HMGCLL1: variants seen among roughly 807,000 people sequenced by gnomAD.
HMGCLL1 encodes the protein 3-hydroxymethyl-3-methylglutaryl-CoA lyase, cytoplasmic.
A neutral mutation model predicts 39.1 loss-of-function variants in HMGCLL1; 36 were observed. The ratio of observed to expected loss-of-function variants is 0.92; its 90% CI spans 0.71 to 1.22. The LOEUF is 1.22. HMGCLL1 is among the 50% of genes most tolerant of loss of function. The pLI is 0.00. For synonymous variants in HMGCLL1, 149 were observed against 144.0 expected, an observed-to-expected ratio of 1.03 and a Z score of -0.25; for missense variants, 451 against 416.5, an observed-to-expected ratio of 1.08 and a Z score of -0.72.
chr6:55,587,214 A>C, the HMGCLL1 span, among the ~76,000 whole-genome samples: 1 of 152,078 alleles, frequency 6.6e-6, no homozygotes, highest in Non-Finnish European at 1.5e-5. Flanking sequence ...GTCTGTTCAT[A>C]TCCTTCTCCC....
chr6:55,529,244 T>C (rs768112688), intron 3 of HMGCLL1, among the ~76,000 whole-genome samples: 1 of 152,138 alleles, frequency 6.6e-6, no homozygotes, highest in Non-Finnish European at 1.5e-5. Flanking sequence ...CTGCCTCTCA[T>C]ATATCATGTC....
At chr6:55,543,506 CAT>C (rs1237067905) in intron 1 of HMGCLL1, among the ~76,000 whole-genome samples, 28 of 49,738 alleles carry the variant, frequency 5.6e-4, no homozygotes, top group Non-Finnish European at 1.0e-3. Context: ...TCATATATAT[CAT>C]ATATAATATA....
chr6:55,645,123 T>C, the HMGCLL1 span, among the ~76,000 whole-genome samples: 43 of 152,036 alleles, frequency 2.8e-4, 1 homozygote, highest in South Asian at 2.1e-4. Flanking sequence ...TACTTCTTTT[T>C]TTAAGTTAAT....
intron 7 of HMGCLL1, among the ~76,000 whole-genome samples, chr6:55,447,679 C>T (rs909846635): frequency 2.0e-5 from 3 of 151,948 alleles, no homozygotes; most frequent in Non-Finnish European, 4.4e-5. Flanking sequence ...TACTTTTTCA[C>T]AAGGATTGTA....
At chr6:55,615,174 TAAAAGTAAAAAGA>T in the HMGCLL1 span, among the ~76,000 whole-genome samples, 1 of 151,548 alleles carries the variant, frequency 6.6e-6, no homozygotes, top group Non-Finnish European at 1.5e-5. Context: ...GCATTGTTTA[TAAAAGTAAAAAGA>T]AAAAGAAAAA....
At chr6:55,632,478 G>A in the HMGCLL1 span, among the ~76,000 whole-genome samples, 1 of 150,660 alleles carries the variant, frequency 6.6e-6, no homozygotes, top group East Asian at 1.9e-4. Context: ...TTCATGATTG[G>A]CAGTTTATCA....
At chr6:55,600,979 T>C in the HMGCLL1 span, among the ~76,000 whole-genome samples, 1 of 152,174 alleles carries the variant, frequency 6.6e-6, no homozygotes, top group African/African-American at 2.4e-5. Flanking sequence ...GAAAGAGGTA[T>C]GTAATTTAAA....
At chr6:55,447,766 A>G (rs1420330750) in intron 7 of HMGCLL1, among the ~76,000 whole-genome samples, 2 of 152,168 alleles carry the variant, frequency 1.3e-5, no homozygotes, top group Non-Finnish European at 2.9e-5. Flanking sequence ...TTTACTCATG[A>G]GTAAACTGAG....
At chr6:55,608,594 A>G in the HMGCLL1 span, among the ~76,000 whole-genome samples, 1 of 152,238 alleles carries the variant, frequency 6.6e-6, no homozygotes, top group African/African-American at 2.4e-5. Flanking sequence ...ACTCATTATG[A>G]TAACTCCTCC....
At chr6:55,445,284 C>T (rs1015354771) in intron 7 of HMGCLL1, among the ~76,000 whole-genome samples, 17 of 151,694 alleles carry the variant, frequency 1.1e-4, no homozygotes, top group African/African-American at 1.9e-4. Context: ...TTTTTCTAAA[C>T]GAGCTGCTTT....
chr6:55,659,405 T>A, the HMGCLL1 span, among the ~76,000 whole-genome samples: 1 of 151,966 alleles, frequency 6.6e-6, no homozygotes, highest in East Asian at 1.9e-4. Flanking sequence ...CACTTCTCGC[T>A]CTTTGTCTCT....
intron 3 of HMGCLL1, among the ~76,000 whole-genome samples, chr6:55,531,628 T>C (rs1179396413): frequency 6.6e-6 from 1 of 152,170 alleles, no homozygotes; most frequent in Non-Finnish European, 1.5e-5. Context: ...AGTACTGGTC[T>C]GTGGCTGGTT....
chr6:55,473,061 C>T (rs1038275815), intron 7 of HMGCLL1, among the ~76,000 whole-genome samples: 1 of 151,140 alleles, frequency 6.6e-6, no homozygotes, highest in Non-Finnish European at 1.5e-5. Flanking sequence ...ATTGCTACCC[C>T]AGCTTTCATT....
At chr6:55,623,629 T>G in the HMGCLL1 span, among the ~76,000 whole-genome samples, 1 of 147,102 alleles carries the variant, frequency 6.8e-6, no homozygotes, top group Admixed American at 6.8e-5. Flanking sequence ...GAGAGATATA[T>G]ACATATATAC....
chr6:55,590,353 G>T, the HMGCLL1 span, among the ~76,000 whole-genome samples: 1 of 152,080 alleles, frequency 6.6e-6, no homozygotes, highest in Non-Finnish European at 1.5e-5. Context: ...GCCGTATGTA[G>T]AAAGCTGATA....
chr6:55,484,788 C>T (rs1374009870), intron 7 of HMGCLL1, among the ~76,000 whole-genome samples: 1 of 152,124 alleles, frequency 6.6e-6, no homozygotes, highest in African/African-American at 2.4e-5. Flanking sequence ...TGGACTATTG[C>T]AATTGCATTA....
chr6:55,513,998 C>T (rs1402889363), intron 5 of HMGCLL1, 50 bp downstream of exon 5: 3 of 1,529,784 alleles, frequency 2.0e-6, no homozygotes, highest in East Asian at 2.3e-5. Flanking sequence ...TTTGAGTAAG[C>T]TTTAACAATA....
the HMGCLL1 span, among the ~76,000 whole-genome samples, chr6:55,655,097 G>T: frequency 6.6e-6 from 1 of 151,894 alleles, no homozygotes; most frequent in Non-Finnish European, 1.5e-5. Flanking sequence ...TGAGTCCTCA[G>T]TTCTTCTCAT....
chr6:55,583,033 G>C (rs989640513), upstream of HMGCLL1, among the ~76,000 whole-genome samples: 1 of 152,044 alleles, frequency 6.6e-6, no homozygotes, highest in Non-Finnish European at 1.5e-5. Context: ...AAAACAGCAT[G>C]ACGGTGGAAA....
Sources: gnomAD v4.1 joint callset for allele counts (sites outside exome capture counted in the v4.1 genomes callset) on GRCh38, gnomAD v4.1.1 for gene constraint, MANE v1.5 for transcripts, NCBI Gene and HGNC (gene_info 2026-07-23, HGNC 2026-07-21) for gene names.